Variants in SPIDR observed in about 807,000 individuals in gnomAD.
SPIDR encodes the protein scaffold protein involved in DNA repair, also known as DNA repair-scaffolding protein.
A neutral mutation model predicts 104.6 loss-of-function variants in SPIDR; 93 were observed. The observed-to-expected ratio is 0.89, with a 90% CI of 0.75 to 1.06. The LOEUF (loss-of-function observed/expected upper bound fraction) is 1.06. SPIDR is among the 50% of genes least tolerant of loss of function. The probability of loss-of-function intolerance (pLI) is 0.00; values close to 1 mark genes in which losing one functional copy is unlikely to be tolerated. For synonymous variants in SPIDR, 431 were observed against 416.9 expected, an observed-to-expected ratio of 1.03 and a Z score of -0.41; for missense variants, 1,154 against 1,111.2, an observed-to-expected ratio of 1.04 and a Z score of -0.55.
intron 5 of SPIDR, among the ~76,000 whole-genome samples, chr8:47,370,804 C>G (rs1375805360): frequency 6.6e-6 from 1 of 151,860 alleles, no homozygotes; most frequent in Non-Finnish European, 1.5e-5. Context: ...AATCTAGTAA[C>G]TGGCCACTGA....
chr8:47,641,989 T>C (rs1400370645), intron 10 of SPIDR, among the ~76,000 whole-genome samples: 1 of 152,132 alleles, frequency 6.6e-6, no homozygotes, highest in Non-Finnish European at 1.5e-5. Context: ...CCTCGGGCCC[T>C]GGCATGGTAT....
intron 16 of SPIDR, among the ~76,000 whole-genome samples, chr8:47,718,941 C>T (rs546463973): frequency 2.6e-5 from 4 of 152,156 alleles, no homozygotes; most frequent in Admixed American, 2.6e-4. Context: ...CGCAGGGCTC[C>T]TTCTAAATAG....
intron 2 of SPIDR, among the ~76,000 whole-genome samples, chr8:47,281,942 C>T (rs1340526717): frequency 6.6e-6 from 1 of 152,198 alleles, no homozygotes; most frequent in Admixed American, 6.5e-5. Flanking sequence ...AGAATCACCC[C>T]ATGATCCATA....
In SPIDR at chr8:47,402,873, T is replaced by TA. The variant is rs1228271062; in HGVS notation, c.777-4987dup. Among the ~76,000 whole-genome samples, 3 of 152,174 alleles carry TA rather than the reference T, an allele frequency of 2.0e-5. No homozygotes were observed. The East Asian group carries it at 5.8e-4, about 29-fold the overall frequency. The stretch of plus-strand genomic sequence containing the variant: ...TTTTATGAGGCCAGCATCATCCTGA[T>TA]ACCAAAGCCTGGCAGAGACACAACA... On this transcript the variant is annotated intron_variant, in intron 6 of 19. Transcript: ENST00000297423.
At chr8:47,500,793 T>G (rs1280070984) in intron 8 of SPIDR, among the ~76,000 whole-genome samples, 1 of 152,238 alleles carries the variant, frequency 6.6e-6, no homozygotes. Context: ...ATGTAAGTCT[T>G]TAATCCATCT....
At chr8:47,555,767 A>G (rs563323597) in intron 8 of SPIDR, among the ~76,000 whole-genome samples, 2 of 152,320 alleles carry the variant, frequency 1.3e-5, no homozygotes, top group South Asian at 4.1e-4. Context: ...GGGGATGGGT[A>G]TCAAGCCACT....
At chr8:47,372,195 G>T (rs1232261214) in intron 5 of SPIDR, among the ~76,000 whole-genome samples, 1 of 152,138 alleles carries the variant, frequency 6.6e-6, no homozygotes, top group African/African-American at 2.4e-5. Context: ...TCTGTACTTT[G>T]AGTTTCTGAG....
chr8:47,458,370 A>ATTTTG (rs1430694089), intron 8 of SPIDR, among the ~76,000 whole-genome samples: 17 of 148,182 alleles, frequency 1.1e-4, no homozygotes, highest in African/African-American at 4.2e-4. Flanking sequence ...ATTTTATTTT[A>ATTTTG]TTTTATTTTA....
rs1225426259 is a variant in SPIDR, at chr8:47,574,360, TC to T, written c.1098-21450del. 3.9e-5 allele frequency among the ~76,000 whole-genome samples: 6 copies of T among 152,350 alleles called. No homozygotes were observed. The South Asian group carries it at 1.2e-3, about 32-fold the overall frequency. ...GATTTGTTTTTTTCCCTTTTTATTC[TC>T]AGTTGCATTATTCAAATAATATAAT... On this transcript the variant is annotated intron_variant, in intron 8 of 19. Coordinates refer to ENST00000297423, the MANE Select transcript of SPIDR (RefSeq NM_001080394.4).
rs148616714 is a variant in SPIDR, at chr8:47,569,420, T to A, written c.1098-26391T>A. Among the ~76,000 whole-genome samples, 17 of 152,336 alleles carry A rather than the reference T, an allele frequency of 1.1e-4. No individual in the cohort carries two copies. In the East Asian group the frequency reaches 3.3e-3, roughly 29 times the overall value. Reference sequence around the variant, plus strand: ...AACAACACTGTAAAGCAATTAAACCTAACAGACGTGCAGAATATTCCCACC... The same window carrying A: ...AACAACACTGTAAAGCAATTAAACCAAACAGACGTGCAGAATATTCCCACC... On this transcript the variant is annotated intron_variant, in intron 8 of 19. Coordinates refer to ENST00000297423, the MANE Select transcript of SPIDR (RefSeq NM_001080394.4).
At chr8:47,306,877 T>C (rs1554581675) in intron 5 of SPIDR, among the ~76,000 whole-genome samples, 1 of 152,226 alleles carries the variant, frequency 6.6e-6, no homozygotes, top group East Asian at 1.9e-4. Context: ...TGATTTAGAC[T>C]GTTTTCTCTG....
rs574512833 is a variant in SPIDR at position 47,628,288 on chromosome 8, AATC to A, written c.1544+29099_1544+29101del. ...TGTTTTTCCTCCAGTAACAGCAAGG[AATC>A]ATCATCTTATGGGGATAGAGAATAA... On this transcript the variant is annotated intron_variant, in intron 10 of 19. Transcript: ENST00000297423. Among the ~76,000 whole-genome samples the A allele has an allele frequency of 7.0e-3, 1,073 of 152,356 alleles. 9 individuals are homozygous for A. Among genetic ancestry groups the A allele is most frequent in the Middle Eastern group, 0.017 (5 of 294 alleles).
intron 8 of SPIDR, among the ~76,000 whole-genome samples, chr8:47,560,146 A>T (rs1460482335): frequency 6.6e-6 from 1 of 152,210 alleles, no homozygotes; most frequent in African/African-American, 2.4e-5. Flanking sequence ...TAACTCTTTG[A>T]CTATGAGATG....
intron 8 of SPIDR, chr8:47,511,983 T>A: frequency 2.5e-6 from 2 of 791,310 alleles, no homozygotes; most frequent in Non-Finnish European, 4.6e-6. Context: ...GGGTTGCCTG[T>A]GAAATGGTTA....
chr8:47,516,224 A>G (rs1440597110), intron 8 of SPIDR, among the ~76,000 whole-genome samples: 1 of 152,226 alleles, frequency 6.6e-6, no homozygotes, highest in Non-Finnish European at 1.5e-5. Context: ...GATTGCAGGC[A>G]TGAACCATCA....
intron 7 of SPIDR, among the ~76,000 whole-genome samples, chr8:47,409,747 G>A (rs1554669887): frequency 6.6e-6 from 1 of 152,098 alleles, no homozygotes; most frequent in African/African-American, 2.4e-5. Context: ...TCCTTTCCGA[G>A]GCCAGGTGTG....
chr8:47,490,657 T>C (rs1256292233), intron 8 of SPIDR, among the ~76,000 whole-genome samples: 6 of 152,218 alleles, frequency 3.9e-5, no homozygotes, highest in Non-Finnish European at 7.3e-5. Context: ...CATGGAATAC[T>C]ATGTAGCCAT....
intron 8 of SPIDR, among the ~76,000 whole-genome samples, chr8:47,485,449 G>T (rs1414462281): frequency 6.6e-6 from 1 of 152,196 alleles, no homozygotes; most frequent in African/African-American, 2.4e-5. Context: ...CAAACAAAAG[G>T]CAGCAGAAAC....
At chr8:47,658,046 A>AG (rs2073226821) in intron 10 of SPIDR, among the ~76,000 whole-genome samples, 1 of 149,608 alleles carries the variant, frequency 6.7e-6, no homozygotes, top group African/African-American at 2.5e-5. Context: ...AAAAAAAAAA[A>AG]AAAGAAAAAG....
Sources: gnomAD v4.1 joint callset for allele counts (sites outside exome capture counted in the v4.1 genomes callset) on GRCh38, gnomAD v4.1.1 for gene constraint, MANE v1.5 for transcripts, NCBI Gene and HGNC (gene_info 2026-07-23, HGNC 2026-07-21) for gene names.